STK3: variants seen among roughly 807,000 people sequenced by gnomAD.
STK3 encodes serine/threonine-protein kinase 3.
In STK3, 41 loss-of-function variants were observed where a neutral mutation model predicts 58.0. The observed-to-expected ratio is 0.71, with a 90% CI of 0.55 to 0.92. STK3 has a LOEUF of 0.92. STK3 is among the 40% of genes least tolerant of loss of function. The pLI is 0.00. For synonymous variants in STK3, 170 were observed against 191.0 expected (o/e 0.89, Z 0.91); for missense variants, 479 against 602.7 (o/e 0.79, Z 2.15).
At chr8:98,468,852 T>C (rs1282030940) in intron 10 of STK3, among the ~76,000 whole-genome samples, 1 of 152,248 alleles carries the variant, frequency 6.6e-6, no homozygotes, top group Non-Finnish European at 1.5e-5. Flanking sequence ...GGCTAACGCC[T>C]GTAATCCCAG....
intron 3 of STK3, among the ~76,000 whole-genome samples, chr8:98,403,027 TA>T (rs1256114676): frequency 6.6e-6 from 1 of 152,124 alleles, no homozygotes; most frequent in East Asian, 1.9e-4. Context: ...TGTGAAGAAG[TA>T]AAAACTGAGT....
intron 1 of STK3, among the ~76,000 whole-genome samples, chr8:98,909,674 C>T (rs139460304): frequency 1.3e-5 from 2 of 152,288 alleles, no homozygotes; most frequent in African/African-American, 2.4e-5. Flanking sequence ...CATGTTGCAG[C>T]GTGTATCAGT....
intron 6 of STK3, chr8:98,596,451 C>A: frequency 4.2e-6 from 1 of 236,208 alleles, no homozygotes; most frequent in Non-Finnish European, 8.3e-6. Flanking sequence ...GACTATATTT[C>A]TGACCCACTA....
At chr8:98,597,491 A>C (rs1448980836) in intron 6 of STK3, 7 of 985,292 alleles carry the variant, frequency 7.1e-6, no homozygotes, top group Non-Finnish European at 8.4e-6. Context: ...TCTTTCAATC[A>C]AACAAATATT....
At chr8:98,614,766 C>T (rs993668003) in intron 6 of STK3, among the ~76,000 whole-genome samples, 3 of 152,290 alleles carry the variant, frequency 2.0e-5, no homozygotes, top group Non-Finnish European at 2.9e-5. Context: ...TAAAAAACGG[C>T]GCACCACGAG....
chr8:98,907,898 G>A (rs1838978807), intron 1 of STK3, among the ~76,000 whole-genome samples: 3 of 151,738 alleles, frequency 2.0e-5, no homozygotes, highest in Admixed American at 2.0e-4. Context: ...TTTTTTCCTT[G>A]CATGCAATTC....
chr8:98,741,130 C>G (rs1829170118), intron 4 of STK3, among the ~76,000 whole-genome samples: 1 of 152,120 alleles, frequency 6.6e-6, no homozygotes, highest in Non-Finnish European at 1.5e-5. Flanking sequence ...ACTTAGACTC[C>G]CACACAATAA....
At chr8:98,790,706 C>T (rs1470572010) in intron 1 of STK3, among the ~76,000 whole-genome samples, 4 of 152,122 alleles carry the variant, frequency 2.6e-5, no homozygotes, top group East Asian at 3.8e-4. Context: ...GCATCTAAGC[C>T]GGGTGTGGTG....
intron 1 of STK3, among the ~76,000 whole-genome samples, chr8:98,444,801 C>T (rs1366580736): frequency 6.6e-6 from 1 of 152,178 alleles, no homozygotes; most frequent in Non-Finnish European, 1.5e-5. Flanking sequence ...ATCATTTGCA[C>T]ATGAGTTACT....
chr8:98,496,151 C>T (rs1823118212), intron 10 of STK3, among the ~76,000 whole-genome samples: 2 of 152,080 alleles, frequency 1.3e-5, no homozygotes, highest in Non-Finnish European at 2.9e-5. Context: ...ACATGGAGCA[C>T]AGTGCCTAGC....
chr8:98,642,468 A>C (rs1486483440), intron 6 of STK3, among the ~76,000 whole-genome samples: 1 of 152,164 alleles, frequency 6.6e-6, no homozygotes, highest in Non-Finnish European at 1.5e-5. Context: ...CTAAGGCTTA[A>C]ACCTTTAGAA....
At chr8:98,781,111 T>C (rs1393170734) in intron 1 of STK3, among the ~76,000 whole-genome samples, 1 of 152,222 alleles carries the variant, frequency 6.6e-6, no homozygotes, top group Non-Finnish European at 1.5e-5. Flanking sequence ...TATCAGGCAT[T>C]CCAGAACTGG....
intron 1 of STK3, among the ~76,000 whole-genome samples, chr8:98,386,945 G>C (rs12676917): frequency 6.6e-6 from 1 of 152,104 alleles, no homozygotes; most frequent in South Asian, 2.1e-4. Context: ...GGAACAGGGC[G>C]AGACCCTGTC....
intron 1 of STK3, among the ~76,000 whole-genome samples, chr8:98,929,618 C>T (rs996291470): frequency 6.6e-6 from 1 of 152,108 alleles, no homozygotes; most frequent in Admixed American, 6.6e-5. Context: ...CTACTGTACT[C>T]CATCTTGGGT....
chr8:98,817,241 G>C (rs2131710006), intron 1 of STK3, among the ~76,000 whole-genome samples: 1 of 152,228 alleles, frequency 6.6e-6, no homozygotes, highest in East Asian at 1.9e-4. Context: ...ATCACCTGAG[G>C]TCAGTAGTTC....
chr8:98,605,354 G>A (rs1282480362), intron 6 of STK3, among the ~76,000 whole-genome samples: 2 of 151,902 alleles, frequency 1.3e-5, no homozygotes, highest in Non-Finnish European at 2.9e-5. Context: ...GGCTGTATAG[G>A]AAGCATAGCA....
intron 8 of STK3, among the ~76,000 whole-genome samples, chr8:98,561,299 T>C (rs1331885153): frequency 4.8e-5 from 7 of 147,344 alleles, no homozygotes; most frequent in Non-Finnish European, 1.0e-4. Flanking sequence ...CGGATATCCA[T>C]ACGGAAAAAA....
the STK3 span, among the ~76,000 whole-genome samples, chr8:98,350,623 T>C: frequency 0.027 from 4,055 of 152,330 alleles, 172 homozygotes; most frequent in African/African-American, 0.091. Flanking sequence ...CAGTTCCACG[T>C]GGATGAGGAG....
At chr8:98,634,914 A>G (rs1819516289) in intron 6 of STK3, among the ~76,000 whole-genome samples, 1 of 152,008 alleles carries the variant, frequency 6.6e-6, no homozygotes, top group African/African-American at 2.4e-5. Flanking sequence ...GCGTTTTTAT[A>G]CTATTTTGAG....
Sources: allele counts gnomAD v4.1 joint callset (sites outside exome capture counted in the v4.1 genomes callset), GRCh38; gene constraint gnomAD v4.1.1; transcripts MANE v1.5; gene names NCBI Gene and HGNC (gene_info 2026-07-23, HGNC 2026-07-21).